The following TENT5D variants were observed in gnomAD, a reference collection of about 807,000 sequenced individuals.
The protein encoded by TENT5D is cancer/testis antigen 112.
For missense variants in TENT5D, 191 were observed against 287.0 expected (o/e 0.67, Z 2.42); for synonymous variants, 103 against 100.6 (o/e 1.02, Z -0.15).
At chrX:80,383,812 T>C (rs1209066261) in intron 3 of TENT5D, among the ~76,000 whole-genome samples, 1 of 110,804 alleles carries the variant, frequency 9.0e-6, no homozygotes, top group Admixed American at 9.6e-5. Context: ...GCCGAGATTG[T>C]GCCACGGCAC....
intron 3 of TENT5D, among the ~76,000 whole-genome samples, chrX:80,372,259 C>T (rs1930636932): frequency 9.0e-6 from 1 of 111,299 alleles, no homozygotes; most frequent in African/African-American, 3.3e-5. Context: ...TCAGGAATAC[C>T]TAGAAACCTG....
At chrX:80,381,034 A>G (rs1482444213) in intron 3 of TENT5D, among the ~76,000 whole-genome samples, 1 of 111,699 alleles carries the variant, frequency 9.0e-6, no homozygotes, top group Non-Finnish European at 1.9e-5. Flanking sequence ...CCGTTAGTTG[A>G]TGCAGTTTCT....
At chrX:80,356,920 C>T (rs953916009) in intron 3 of TENT5D, among the ~76,000 whole-genome samples, 1 of 110,745 alleles carries the variant, frequency 9.0e-6, no homozygotes, top group Non-Finnish European at 1.9e-5. Flanking sequence ...GCTCCTCCCA[C>T]CCCACAACAG....
chrX:80,337,281 T>C (rs754182265), intron 2 of TENT5D, among the ~76,000 whole-genome samples: 18 of 111,999 alleles, frequency 1.6e-4, no homozygotes, highest in South Asian at 3.6e-4. Context: ...ATTACAAATA[T>C]ATACTTGTGA....
intron 3 of TENT5D, among the ~76,000 whole-genome samples, chrX:80,376,152 G>A (rs1235140025): frequency 9.1e-6 from 1 of 110,025 alleles, no homozygotes; most frequent in East Asian, 2.8e-4. Context: ...AACGTTTATG[G>A]CCCAATTGTT....
At chrX:80,422,957 A>G (rs1931918961) in intron 1 of TENT5D, among the ~76,000 whole-genome samples, 1 of 111,996 alleles carries the variant, frequency 8.9e-6, no homozygotes. Context: ...CATCCAGTGC[A>G]GAGAGAATGG....
intron 3 of TENT5D, among the ~76,000 whole-genome samples, chrX:80,396,983 A>G (rs199681248): frequency 4.0e-3 from 185 of 46,744 alleles, no homozygotes; most frequent in Middle Eastern, 0.019. Context: ...GCGGCTGGGC[A>G]GAGGCGCCCC....
intron 3 of TENT5D, among the ~76,000 whole-genome samples, chrX:80,348,047 C>T (rs1221896877): frequency 1.8e-5 from 2 of 111,891 alleles, no homozygotes; most frequent in Non-Finnish European, 3.8e-5. Context: ...TGTTTTGGCA[C>T]CAGTATCATG....
intron 3 of TENT5D, among the ~76,000 whole-genome samples, chrX:80,359,007 A>G (rs769940511): frequency 8.9e-6 from 1 of 112,292 alleles, no homozygotes. Context: ...TGTTTCTAAC[A>G]CTTCTCAAAA....
Position 80,413,096 on chromosome X carries a change from G to A in TENT5D, c.-141-25514G>A, listed in dbSNP as rs58280820. 4.3e-3 allele frequency among the ~76,000 whole-genome samples: 477 copies of A among 111,629 alleles called. 2 individuals carry two copies. The highest frequency in any genetic ancestry group is 0.014 in the African/African-American group (446 of 30,862). ...CCCTCATACCAAATTTTGACATCTAGCAGAGATAAATAACGTATGCTGACA... is the reference window on the plus strand; with the variant it reads ...CCCTCATACCAAATTTTGACATCTAACAGAGATAAATAACGTATGCTGACA... On this transcript the variant is annotated intron_variant, in intron 3 of 4. Coordinates refer to the TENT5D transcript ENST00000538312.
At chrX:80,354,159 T>C (rs1930238972) in intron 3 of TENT5D, among the ~76,000 whole-genome samples, 1 of 111,729 alleles carries the variant, frequency 9.0e-6, no homozygotes, top group Non-Finnish European at 1.9e-5. Flanking sequence ...GTATTGACTT[T>C]GGAGAATCTA....
chrX:80,442,569 T>C, exon 3 of TENT5D: 1 of 1,206,882 alleles, frequency 8.3e-7, no homozygotes, highest in Non-Finnish European at 1.1e-6. Context: ...CCAATCTCAC[T>C]TGGGATCAAG....
chrX:80,349,156 G>A (rs1930124036), intron 3 of TENT5D, among the ~76,000 whole-genome samples: 1 of 112,102 alleles, frequency 8.9e-6, no homozygotes. Flanking sequence ...TTGGAATCAG[G>A]ATGATGCTGG....
At chrX:80,443,674 C>A (rs1932333691) in exon 3 of TENT5D, 1 of 1,195,699 alleles carries the variant, frequency 8.4e-7, no homozygotes, top group Non-Finnish European at 1.1e-6. Flanking sequence ...GCCATACCAC[C>A]CACTGCACTT....
At chrX:80,398,854 A>G (rs1931338067) in intron 3 of TENT5D, among the ~76,000 whole-genome samples, 1 of 111,364 alleles carries the variant, frequency 9.0e-6, no homozygotes. Flanking sequence ...ACAAAATACT[A>G]AAATTTCTAT....
intron 3 of TENT5D, among the ~76,000 whole-genome samples, chrX:80,392,878 A>G (rs1931163787): frequency 9.0e-6 from 1 of 111,401 alleles, no homozygotes; most frequent in African/African-American, 3.3e-5. Context: ...AATATGATTA[A>G]GATTTCAGTG....
Position 80,390,703 on chromosome X carries a change from G to C in TENT5D, c.-141-47907G>C, listed in dbSNP as rs371803170. ...AAGATGCTCAGAGAGTAGAGTACTG[G>C]AAATTGTGATAATGGAGGAATCGCA... On this transcript the variant is annotated intron_variant, in intron 3 of 4. Coordinates refer to the TENT5D transcript ENST00000538312. Among the ~76,000 whole-genome samples the C allele has an allele frequency of 8.0e-4, 89 of 111,247 alleles. 1 individual carries two copies. In the South Asian group the frequency reaches 0.033, roughly 41 times the overall value.
chrX:80,372,404 G>T (rs779300717), intron 3 of TENT5D, among the ~76,000 whole-genome samples: 2 of 111,881 alleles, frequency 1.8e-5, no homozygotes, highest in Admixed American at 9.5e-5. Flanking sequence ...TCACAAAAGC[G>T]CATTATCATG....
At chrX:80,388,616 G>T (rs1931067509) in intron 3 of TENT5D, among the ~76,000 whole-genome samples, 1 of 111,935 alleles carries the variant, frequency 8.9e-6, no homozygotes, top group South Asian at 3.7e-4. Context: ...TGTCCAAGTT[G>T]TAAGACAAAG....
Sources: allele counts gnomAD v4.1 joint callset (sites outside exome capture counted in the v4.1 genomes callset), GRCh38; gene constraint gnomAD v4.1.1; transcripts MANE v1.5; gene names NCBI Gene and HGNC (gene_info 2026-07-23, HGNC 2026-07-21).